ADH1B: variants seen among roughly 807,000 people sequenced by gnomAD.
The protein encoded by ADH1B is all-trans-retinol dehydrogenase [NAD(+)] ADH1B.
Under a neutral mutation model 34.6 loss-of-function variants are expected in ADH1B, and 29 were observed. The ratio of observed to expected loss-of-function variants is 0.84; its 90% CI spans 0.62 to 1.14. ADH1B has a LOEUF of 1.14. Among genes scored for constraint, ADH1B ranks in the 50% most tolerant of loss-of-function variants. The pLI is 0.00. For missense variants in ADH1B, 424 were observed against 468.4 expected, an observed-to-expected ratio of 0.91 and a Z score of 0.87; for synonymous variants, 170 against 175.5, an observed-to-expected ratio of 0.97 and a Z score of 0.25.
chr4:99,316,967 T>A (rs959641009), intron 3 of ADH1B: 25 of 152,124 alleles, frequency 1.6e-4, no homozygotes, highest in African/African-American at 5.6e-4. Flanking sequence ...TTAACAAATA[T>A]TTTTAGCTGA....
At chr4:99,321,052 A>G in intron 1 of ADH1B, 2 of 598,750 alleles carry the variant, frequency 3.3e-6, no homozygotes, top group Non-Finnish European at 5.0e-6. Context: ...ATAAACTATC[A>G]TTTTACTGTA....
intron 6 of ADH1B, among the ~76,000 whole-genome samples, chr4:99,312,206 A>G (rs1366461859): frequency 6.6e-6 from 1 of 152,232 alleles, no homozygotes; most frequent in African/African-American, 2.4e-5. Flanking sequence ...TCCCCGTAGG[A>G]ATATAATGAT....
intron 1 of ADH1B, chr4:99,319,266 A>G: frequency 3.1e-6 from 1 of 321,620 alleles, no homozygotes; most frequent in Non-Finnish European, 6.0e-6. Context: ...TGACAGAGTC[A>G]GTGTCTGTCT....
chr4:99,305,564 T>TGC lies in ADH1B; in HGVS notation c.*2275_*2276insGC, dbSNP rs1733590037. 8.3e-5 allele frequency: 1 copy of TGC among 12,078 alleles called. No homozygotes were observed. Among genetic ancestry groups the TGC allele is most frequent in the African/African-American group, 4.3e-4 (1 of 2,326 alleles). The allele number at this position is 12,078 out of a possible 1,614,324, so 0.7% of individuals were successfully genotyped here. ...TATGAACCACTTGCCCCATAGTGTATATATATATATATATATATATATATA... is the reference window on the plus strand; with the variant it reads ...TATGAACCACTTGCCCCATAGTGTATGCATATATATATATATATATATATATA... On this transcript the variant is annotated 3_prime_UTR_variant, in exon 9 of 9. Coordinates refer to ENST00000305046, the MANE Select transcript of ADH1B (RefSeq NM_000668.6).
intron 3 of ADH1B, chr4:99,317,083 TA>T (rs1404715528): frequency 4.6e-5 from 7 of 152,216 alleles, no homozygotes; most frequent in African/African-American, 7.2e-5. Context: ...AAAATAGAGC[TA>T]AAACATACTT....
chr4:99,317,006 T>C (rs1733903067), intron 3 of ADH1B: 1 of 152,198 alleles, frequency 6.6e-6, no homozygotes. Context: ...CTTTTCCTGT[T>C]ATGGTGGAGG....
intron 3 of ADH1B, 59 bp from the exon 4 acceptor site, chr4:99,316,361 G>A (rs1222730909): frequency 2.0e-6 from 3 of 1,510,628 alleles, no homozygotes; most frequent in African/African-American, 2.8e-5. Context: ...ATAGAGCAAA[G>A]ACTTAAAGCT....
intron 7 of ADH1B, 98 bp from the exon 8 acceptor site, chr4:99,311,001 C>T: frequency 1.5e-6 from 2 of 1,379,172 alleles, no homozygotes; most frequent in Non-Finnish European, 1.0e-6. Flanking sequence ...AAAAGGTGCT[C>T]CATTCCAGAC....
chr4:99,308,160 C>G (rs1051615666), intron 8 of ADH1B, among the ~76,000 whole-genome samples: 1 of 151,924 alleles, frequency 6.6e-6, no homozygotes, highest in Admixed American at 6.6e-5. Context: ...TGTGTGCCCA[C>G]GTTCCTGGTA....
In ADH1B at chr4:99,318,771, GA is replaced by G. The variant is rs765192867; in HGVS notation, c.120+13del. 23 of 1,592,002 alleles carry G rather than the reference GA, an allele frequency of 1.4e-5. No homozygotes were observed. In the Middle Eastern group the frequency reaches 5.7e-4, roughly 40 times the overall value. On this transcript the variant is annotated intron_variant, in intron 2 of 8. Coordinates refer to ENST00000305046, the MANE Select transcript of ADH1B (RefSeq NM_000668.6). ...TTAAATGTAAAATGAAATATAAATGGAAAAATATTTCACCTTAATGCGAACT... is the reference window on the plus strand; with the variant it reads ...TTAAATGTAAAATGAAATATAAATGGAAAATATTTCACCTTAATGCGAACT...
chr4:99,311,093 C>T (rs370292591), intron 7 of ADH1B, among the ~76,000 whole-genome samples, 190 bp from the exon 8 acceptor site: 21 of 152,114 alleles, frequency 1.4e-4, no homozygotes, highest in South Asian at 8.3e-4. Context: ...CACAGATAAA[C>T]GAAGGTTCTT....
chr4:99,312,844 C>A (rs1006033795), intron 6 of ADH1B, among the ~76,000 whole-genome samples: 6 of 151,462 alleles, frequency 4.0e-5, no homozygotes, highest in African/African-American at 1.5e-4. Flanking sequence ...CAGAGTGAGA[C>A]CCTGTCTCAA....
chr4:99,321,124 G>T (rs1290654530), intron 1 of ADH1B, among the ~76,000 whole-genome samples, 190 bp downstream of exon 1: 2 of 152,020 alleles, frequency 1.3e-5, no homozygotes, highest in African/African-American at 4.8e-5. Flanking sequence ...CCTGTTAAAG[G>T]TACTTAAGAA....
At chr4:99,319,100 T>C in intron 1 of ADH1B, 1 of 661,394 alleles carries the variant, frequency 1.5e-6, no homozygotes, top group Non-Finnish European at 2.7e-6. Context: ...AATAAGACAT[T>C]GAGAAAAATG....
chr4:99,318,560 CAT>C (rs3840297), intron 2 of ADH1B: 49,067 of 535,816 alleles, frequency 0.092, 2,945 homozygotes, highest in Admixed American at 0.26. Context: ...TCTGTACAAA[CAT>C]AAATTCTTTT....
chr4:99,315,026 A>G (rs1234336103), intron 5 of ADH1B: 2 of 152,176 alleles, frequency 1.3e-5, no homozygotes, highest in African/African-American at 4.8e-5. Context: ...GGGGGACAAC[A>G]CCATTTTCTA....
Position 99,321,387 on chromosome 4 carries a change from T to A in ADH1B, c.-56A>T. 6.4e-7 allele frequency: 1 copy of A among 1,562,262 alleles called. No individual in the cohort carries two copies. Among genetic ancestry groups the A allele is most frequent in the Non-Finnish European group, 8.8e-7 (1 of 1,135,020 alleles). On this transcript the variant is annotated 5_prime_UTR_variant, in exon 1 of 9. Transcript: ENST00000305046. ...ACTGTGAGTCTTTGTGGATTTCTTC[T>A]CTGCTTGAGTGCATAAAGCAGATAT... is the stretch of plus-strand genomic sequence containing the variant.
chr4:99,318,911 T>G (rs746299652), intron 1 of ADH1B, 25 bp from the exon 2 acceptor site: 17 of 1,604,314 alleles, frequency 1.1e-5, no homozygotes, highest in Admixed American at 5.0e-5. Flanking sequence ...AGAGAGATGG[T>G]GACAGTGTTT....
rs1163550378 is a variant in ADH1B, at chr4:99,311,546, G to A, written c.939C>T (p.Arg313=). 1 of 1,613,836 alleles carries A rather than the reference G, an allele frequency of 6.2e-7. No homozygotes were observed. The highest frequency in any genetic ancestry group is 8.5e-7 in the Non-Finnish European group (1 of 1,179,900). The change falls in exon 7 of 9, where the codon CGC becomes CGT. Residue 313 remains arginine (R), a synonymous_variant. Coordinates refer to ENST00000305046, the MANE Select transcript of ADH1B (RefSeq NM_000668.6). ...SINPMLLLTG[R]TWKGAVYGGF... ...CACCATAAACAGCCCCCTTCCAGGTGCGTCCAGTCAGTAGCAGCATAGGGT... is the reference window on the plus strand; with the variant it reads ...CACCATAAACAGCCCCCTTCCAGGTACGTCCAGTCAGTAGCAGCATAGGGT...
Sources: allele counts gnomAD v4.1 joint callset (sites outside exome capture counted in the v4.1 genomes callset), GRCh38; gene constraint gnomAD v4.1.1; transcripts MANE v1.5; gene names NCBI Gene and HGNC (gene_info 2026-07-23, HGNC 2026-07-21).